The following SCLT1 variants were observed in gnomAD, a reference collection of about 807,000 sequenced individuals.
The protein encoded by SCLT1 is sodium channel and clathrin linker 1.
In SCLT1, 78 loss-of-function variants were observed where a neutral mutation model predicts 112.8. The observed-to-expected ratio is 0.69, with a 90% confidence interval of 0.58 to 0.83. The LOEUF (loss-of-function observed/expected upper bound fraction) is 0.83. Among genes scored for constraint, SCLT1 ranks in the 40% least tolerant of loss-of-function variants. The pLI is 0.00. For synonymous variants in SCLT1, 257 were observed against 254.7 expected (o/e 1.01, Z -0.09); for missense variants, 747 against 770.4 (o/e 0.97, Z 0.36).
In SCLT1 at chr4:129,043,998, G is replaced by T; in HGVS notation, c.156C>A (p.Asp52Glu). ...GDDTFENLVF[D>E]QSFLAPLVTE... ...TTATTCTGGTAATACTTTACCTTTG[G>T]TCAAATACTAGGTTTTCAAATGTGT... Residue 52 changes from aspartate to glutamate, a missense_variant, in exon 3 of 21, where the codon GAC (aspartate) becomes GAA (glutamate). Around this residue, in one of 2 missense-constraint regions of SCLT1, gnomAD observed 723 missense variants for 721.3 expected, o/e 1.00. Coordinates refer to ENST00000281142, the MANE Select transcript of SCLT1 (RefSeq NM_144643.4). 6.7e-7 allele frequency: 1 copy of T among 1,489,830 alleles called. No individual in the cohort carries two copies. Among genetic ancestry groups the T allele is most frequent in the African/African-American group, 1.4e-5 (1 of 72,072 alleles). The allele number at this position is 1,489,830 out of a possible 1,614,324, so 92.3% of individuals were successfully genotyped here. A position where few individuals can be genotyped will look rare whatever the true frequency, so the allele number is the denominator to read the frequency against.
chr4:129,028,814 C>T (rs920432780), intron 5 of SCLT1, among the ~76,000 whole-genome samples: 1 of 151,942 alleles, frequency 6.6e-6, no homozygotes, highest in Admixed American at 6.6e-5. Flanking sequence ...CTACAATGAA[C>T]TCCAACAAAT....
At position 128,957,034 on chromosome 4, in the gene SCLT1, T is replaced by C; in HGVS notation, c.1138A>G (p.Lys380Glu). Reference protein sequence around the residue: ...RFVQDATIRTKKEVANTKKQC... With the variant: ...RFVQDATIRTEKEVANTKKQC... ...TAATTAAAAATCCTTACTTCTTTCT[T>C]GGTTCTTATGGTAGCATCTTGTACA... The change falls in exon 13 of 21, where the codon AAG becomes GAG. Residue 380 changes from lysine to glutamate, a missense_variant. Physicochemically the swap from Lys to Glu is moderately conservative, Grantham distance 56. This residue lies in a region of SCLT1 where 723 missense variants were observed against 721.3 expected (regional missense o/e 1.00). Coordinates refer to ENST00000281142, the MANE Select transcript of SCLT1 (RefSeq NM_144643.4). The C allele has an allele frequency of 6.5e-7, 1 of 1,538,720 alleles. No individual in the cohort carries two copies. Among genetic ancestry groups the C allele is most frequent in the Non-Finnish European group, 8.8e-7 (1 of 1,132,708 alleles).
intron 17 of SCLT1, among the ~76,000 whole-genome samples, chr4:128,937,717 A>C (rs1737333681): frequency 6.6e-6 from 1 of 152,188 alleles, no homozygotes; most frequent in African/African-American, 2.4e-5. Flanking sequence ...GATTTTGAAA[A>C]TCTCTTACGA....
At chr4:128,938,691 T>G (rs577583879) in intron 17 of SCLT1, among the ~76,000 whole-genome samples, 3 of 152,252 alleles carry the variant, frequency 2.0e-5, no homozygotes, top group Non-Finnish European at 2.9e-5. Flanking sequence ...TGTTAAAAAC[T>G]GATCTATGGG....
chr4:129,016,630 GTGA>G (rs1745018656), intron 5 of SCLT1, among the ~76,000 whole-genome samples: 1 of 152,202 alleles, frequency 6.6e-6, no homozygotes, highest in Non-Finnish European at 1.5e-5. Context: ...ATCCACAAGT[GTGA>G]TGGATGCTGA....
At chr4:129,060,960 CT>C (rs1267563491) in intron 2 of SCLT1, among the ~76,000 whole-genome samples, 1 of 152,142 alleles carries the variant, frequency 6.6e-6, no homozygotes, top group Non-Finnish European at 1.5e-5. Flanking sequence ...TAAGACACCC[CT>C]ATCCACTTGG....
At chr4:128,991,849 T>C (rs1742601564) in intron 9 of SCLT1, among the ~76,000 whole-genome samples, 1 of 151,848 alleles carries the variant, frequency 6.6e-6, no homozygotes, top group Non-Finnish European at 1.5e-5. Context: ...ATTTACATTA[T>C]ACTAGGTATT....
At chr4:129,019,076 T>C (rs1308441207) in intron 5 of SCLT1, among the ~76,000 whole-genome samples, 1 of 152,172 alleles carries the variant, frequency 6.6e-6, no homozygotes, top group Non-Finnish European at 1.5e-5. Context: ...TTTCAAAAGA[T>C]TTAAAGAGCA....
chr4:128,980,029 A>G (rs1193868325), intron 9 of SCLT1, among the ~76,000 whole-genome samples: 3 of 152,248 alleles, frequency 2.0e-5, no homozygotes. Flanking sequence ...GTGAAGAAAT[A>G]GAAAACTGAC....
intron 2 of SCLT1, among the ~76,000 whole-genome samples, chr4:129,057,409 CTT>C (rs35098310): frequency 0.26 from 34,085 of 132,130 alleles, 4,433 homozygotes; most frequent in Non-Finnish European, 0.35. Flanking sequence ...TAATATTATT[CTT>C]TTTTTTTTTT....
chr4:129,054,711 C>T (rs1407406143), intron 2 of SCLT1, among the ~76,000 whole-genome samples: 1 of 152,028 alleles, frequency 6.6e-6, no homozygotes, highest in Non-Finnish European at 1.5e-5. Context: ...TCCTTTAGCT[C>T]AGAGGAGTTT....
intron 11 of SCLT1, 32 bp downstream of exon 11, chr4:128,965,195 A>G: frequency 9.2e-7 from 1 of 1,087,676 alleles, no homozygotes; most frequent in Non-Finnish European, 1.4e-6. Context: ...TTTAAAGCAT[A>G]TCAACAAAGC....
chr4:129,010,929 GC>G (rs1400104499), intron 5 of SCLT1, among the ~76,000 whole-genome samples: 1 of 152,152 alleles, frequency 6.6e-6, no homozygotes, highest in Non-Finnish European at 1.5e-5. Flanking sequence ...TTGCCTGACT[GC>G]CCTGGCCAGG....
chr4:128,952,822 GT>G lies in SCLT1; in HGVS notation c.1164del (p.Lys388AsnfsTer10). On this transcript the variant is annotated frameshift_variant, in exon 14 of 21. Coordinates refer to ENST00000281142, the MANE Select transcript of SCLT1 (RefSeq NM_144643.4). LOFTEE classifies it high-confidence loss of function. ...RTKKEVANTK[K>X]QCNIQISRLT... ...AATCGAGAAATTTGTATATTACATT[GT>G]TTTTTGGTGTTTGCAACCTGTAAAT... is the stretch of plus-strand genomic sequence containing the variant. 6 of 1,557,182 alleles carry G rather than the reference GT, an allele frequency of 3.9e-6. No individual in the cohort carries two copies. The highest frequency in any genetic ancestry group is 5.3e-6 in the Non-Finnish European group (6 of 1,128,542).
chr4:128,936,275 T>C, intron 18 of SCLT1, among the ~76,000 whole-genome samples: 1 of 152,164 alleles, frequency 6.6e-6, no homozygotes. Flanking sequence ...ATTCCTATGT[T>C]GAAGCTCTTG....
chr4:129,044,122 T>C lies in SCLT1; in HGVS notation c.103-71A>G, dbSNP rs561447395. On this transcript the variant is annotated intron_variant, in intron 2 of 20. Coordinates refer to ENST00000281142, the MANE Select transcript of SCLT1 (RefSeq NM_144643.4). Reference sequence around the variant, plus strand: ...GCCAAAATTGATAGTGATATAATATTAAATGCAATTAAATTTTCATAATCT... The same window carrying C: ...GCCAAAATTGATAGTGATATAATATCAAATGCAATTAAATTTTCATAATCT... The C allele has an allele frequency of 6.4e-5, 46 of 716,060 alleles. No homozygotes were observed. The African/African-American group carries it at 7.5e-4, about 12-fold the overall frequency. The allele number at this position is 716,060 out of a possible 1,614,324, so 44.4% of individuals were successfully genotyped here.
intron 7 of SCLT1, among the ~76,000 whole-genome samples, chr4:128,998,533 T>C (rs1259453701): frequency 6.6e-6 from 1 of 151,918 alleles, no homozygotes; most frequent in African/African-American, 2.4e-5. Context: ...TAAAGTCTTG[T>C]ATAAGGACCC....
chr4:129,032,994 A>G (rs115711172), intron 5 of SCLT1, among the ~76,000 whole-genome samples: 2,679 of 152,276 alleles, frequency 0.018, 97 homozygotes, highest in African/African-American at 0.062. Flanking sequence ...TATATACCCA[A>G]AAAATTGTAA....
chr4:128,885,337 T>A (rs1405530242), intron 20 of SCLT1, among the ~76,000 whole-genome samples: 1 of 152,214 alleles, frequency 6.6e-6, no homozygotes, highest in Non-Finnish European at 1.5e-5. Flanking sequence ...CCTCTCCAGA[T>A]ACAACCACTA....
Sources: gnomAD v4.1 joint callset for allele counts (sites outside exome capture counted in the v4.1 genomes callset) on GRCh38, gnomAD v4.1.1 for gene constraint, gnomAD v4.1.1 regional missense constraint, MANE v1.5 for transcripts, NCBI Gene and HGNC (gene_info 2026-07-23, HGNC 2026-07-21) for gene names.